The following TIAM1 variants were observed in gnomAD, a reference collection of about 807,000 sequenced individuals.
TIAM1 encodes rho guanine nucleotide exchange factor TIAM1.
A neutral mutation model predicts 163.5 loss-of-function variants in TIAM1; 65 were observed. The ratio of observed to expected loss-of-function variants is 0.40; its 90% CI spans 0.33 to 0.49. The LOEUF (loss-of-function observed/expected upper bound fraction) is 0.49, where lower values mean the gene tolerates loss of function less well. TIAM1 is among the 20% of genes least tolerant of loss of function. TIAM1 has a pLI of 0.77. For missense variants in TIAM1, 1,789 were observed against 2,044.7 expected, an observed-to-expected ratio of 0.87 and a Z score of 2.41; for synonymous variants, 833 against 810.1, an observed-to-expected ratio of 1.03 and a Z score of -0.48.
intron 2 of TIAM1, among the ~76,000 whole-genome samples, chr21:31,295,310 A>G (rs923871670): frequency 2.0e-5 from 3 of 152,052 alleles, no homozygotes; most frequent in Non-Finnish European, 4.4e-5. Context: ...CTCTACTAAA[A>G]ATACAAAAAA....
At chr21:31,414,917 C>T (rs137996173) in intron 2 of TIAM1, among the ~76,000 whole-genome samples, 3 of 152,330 alleles carry the variant, frequency 2.0e-5, no homozygotes, top group Non-Finnish European at 2.9e-5. Context: ...GAAATCATCA[C>T]GCACTCCAAG....
intron 2 of TIAM1, among the ~76,000 whole-genome samples, chr21:31,338,381 A>C (rs1602030391): frequency 2.6e-5 from 4 of 152,322 alleles, no homozygotes; most frequent in Admixed American, 2.6e-4. Context: ...CAACCTGGTA[A>C]AGGTTAAATA....
intron 2 of TIAM1, among the ~76,000 whole-genome samples, chr21:31,462,749 G>GTTTTT (rs1225762072): frequency 4.7e-5 from 1 of 21,142 alleles, no homozygotes. Flanking sequence ...TTTTTTTTTT[G>GTTTTT]TTTTTTTTTT....
intron 1 of TIAM1, among the ~76,000 whole-genome samples, chr21:31,497,462 G>GAA (rs1230734631): frequency 2.6e-5 from 4 of 152,278 alleles, no homozygotes; most frequent in Admixed American, 2.6e-4. Flanking sequence ...AAGTGGAGAG[G>GAA]AAAAGGTACT....
At chr21:31,278,054 T>C (rs2073381159) in intron 2 of TIAM1, among the ~76,000 whole-genome samples, 1 of 152,140 alleles carries the variant, frequency 6.6e-6, no homozygotes, top group Non-Finnish European at 1.5e-5. Flanking sequence ...ATGATTCCCA[T>C]GTCCCACTCA....
intron 2 of TIAM1, among the ~76,000 whole-genome samples, chr21:31,406,818 A>C (rs963239624): frequency 1.3e-5 from 2 of 152,200 alleles, no homozygotes; most frequent in African/African-American, 4.8e-5. Flanking sequence ...CCTTAAAAAA[A>C]ATCAACAAAC....
chr21:31,308,092 A>T lies in TIAM1; in HGVS notation c.-189+31151T>A, dbSNP rs116129774. ...ATGGCAAAACCTCATCTCTACAAAA[A>T]CTACAAAAATTAGTTGGGCGTGGTG... On this transcript the variant is annotated intron_variant, in intron 2 of 27. Coordinates refer to ENST00000541036, the MANE Select transcript of TIAM1 (RefSeq NM_001353694.2). 4.5e-3 allele frequency among the ~76,000 whole-genome samples: 689 copies of T among 152,212 alleles called. 6 individuals are homozygous for T. Among genetic ancestry groups the T allele is most frequent in the African/African-American group, 0.016 (644 of 41,540 alleles).
chr21:31,194,211 C>T (rs1224728150), intron 13 of TIAM1, among the ~76,000 whole-genome samples: 1 of 152,000 alleles, frequency 6.6e-6, no homozygotes, highest in Non-Finnish European at 1.5e-5. Context: ...TGGCATGAGA[C>T]AACGAACCGT....
intron 2 of TIAM1, among the ~76,000 whole-genome samples, chr21:31,277,228 C>T (rs1275935826): frequency 6.6e-6 from 1 of 152,198 alleles, no homozygotes; most frequent in African/African-American, 2.4e-5. Context: ...TCCGCTAAAA[C>T]CCACCAAAAC....
rs200357577 is a variant in TIAM1 at position 31,182,551 on chromosome 21, C to T, written c.2757G>A (p.Ser919=). ...SMLKDFLSQP[S]LGLLVRTYPE... is the part of the protein sequence containing the mutation. ...GGTAGGTCCTCACCAGGAGGCCCAG[C>T]GAGGGCTGTGAGAGGAAATCTTTGA... Residue 919 remains serine (S), a synonymous_variant, in exon 15 of 28, where the codon TCG becomes TCA. Coordinates refer to ENST00000541036, the MANE Select transcript of TIAM1 (RefSeq NM_001353694.2). The T allele has an allele frequency of 1.5e-5, 24 of 1,613,870 alleles. No homozygotes were observed. The highest frequency in any genetic ancestry group is 2.2e-5 in the East Asian group (1 of 44,862).
At chr21:31,544,115 C>T (rs1263170397) in intron 1 of TIAM1, among the ~76,000 whole-genome samples, 1 of 152,016 alleles carries the variant, frequency 6.6e-6, no homozygotes, top group Non-Finnish European at 1.5e-5. Context: ...GAGGCTGAGA[C>T]AGGAGAATCG....
intron 1 of TIAM1, among the ~76,000 whole-genome samples, chr21:31,341,606 T>C (rs1383434590): frequency 1.5e-4 from 23 of 152,160 alleles, no homozygotes; most frequent in Admixed American, 1.5e-3. Context: ...TCACAGGGTG[T>C]GCCTCAATTA....
chr21:31,216,602 C>G (rs1247279871), intron 9 of TIAM1, among the ~76,000 whole-genome samples: 1 of 152,134 alleles, frequency 6.6e-6, no homozygotes, highest in African/African-American at 2.4e-5. Context: ...GTAACCCCAG[C>G]AGGAGACTGG....
chr21:31,451,167 C>T (rs962491902), intron 2 of TIAM1, among the ~76,000 whole-genome samples: 3 of 152,114 alleles, frequency 2.0e-5, no homozygotes, highest in Non-Finnish European at 2.9e-5. Context: ...ATATGCGGCT[C>T]CGAGGCCAGC....
At chr21:31,302,520 G>A (rs2074544585) in intron 2 of TIAM1, among the ~76,000 whole-genome samples, 1 of 152,182 alleles carries the variant, frequency 6.6e-6, no homozygotes, top group South Asian at 2.1e-4. Context: ...AGTAGAAGCT[G>A]TTGTGTTGTT....
At chr21:31,298,115 C>T (rs934020062) in intron 2 of TIAM1, among the ~76,000 whole-genome samples, 5 of 152,148 alleles carry the variant, frequency 3.3e-5, no homozygotes, top group Admixed American at 6.5e-5. Flanking sequence ...CACAGCTGAG[C>T]GGATGGAGTG....
upstream of TIAM1, among the ~76,000 whole-genome samples, chr21:31,347,286 G>T: frequency 6.6e-6 from 1 of 152,132 alleles, no homozygotes; most frequent in South Asian, 2.1e-4. Context: ...TGAAAATACA[G>T]CAATATCAGA....
intron 12 of TIAM1, among the ~76,000 whole-genome samples, chr21:31,201,359 A>G (rs2086190990): frequency 6.6e-6 from 1 of 152,202 alleles, no homozygotes; most frequent in Non-Finnish European, 1.5e-5. Flanking sequence ...GATTTAAGTG[A>G]TAGTTGGAAA....
At chr21:31,177,390 T>C (rs1352482872) in intron 15 of TIAM1, among the ~76,000 whole-genome samples, 1 of 152,204 alleles carries the variant, frequency 6.6e-6, no homozygotes, top group Non-Finnish European at 1.5e-5. Flanking sequence ...GTGGATCACC[T>C]GAGGCCAGGA....
Sources: gnomAD v4.1 joint callset for allele counts (sites outside exome capture counted in the v4.1 genomes callset) on GRCh38, gnomAD v4.1.1 for gene constraint, MANE v1.5 for transcripts, NCBI Gene and HGNC (gene_info 2026-07-23, HGNC 2026-07-21) for gene names.